PTPN4: variants seen among roughly 807,000 people sequenced by gnomAD.
PTPN4 encodes protein tyrosine phosphatase non-receptor type 4, also known as tyrosine-protein phosphatase non-receptor type 4.
Under a neutral mutation model 135.5 loss-of-function variants are expected in PTPN4, and 49 were observed. The observed-to-expected ratio is 0.36, with a 90% CI of 0.29 to 0.46. PTPN4 has a LOEUF of 0.46. PTPN4 is among the 20% of genes least tolerant of loss of function. PTPN4 has a pLI of 1.00. For missense variants in PTPN4, 860 were observed against 1,101.0 expected, an observed-to-expected ratio of 0.78 and a Z score of 3.10; for synonymous variants, 333 against 369.9, an observed-to-expected ratio of 0.90 and a Z score of 1.14.
At chr2:119,785,028 A>G (rs1205510059) in intron 1 of PTPN4, among the ~76,000 whole-genome samples, 2 of 152,086 alleles carry the variant, frequency 1.3e-5, no homozygotes, top group Non-Finnish European at 2.9e-5. Flanking sequence ...GAGTTTCTCA[A>G]CTTTAGCACT....
At chr2:119,893,352 T>G (rs1678270210) in intron 9 of PTPN4, among the ~76,000 whole-genome samples, 1 of 152,184 alleles carries the variant, frequency 6.6e-6, no homozygotes, top group African/African-American at 2.4e-5. Flanking sequence ...GGCCTGAACT[T>G]TTACTAAGTT....
chr2:119,947,201 C>T (rs933027282), intron 18 of PTPN4, among the ~76,000 whole-genome samples: 1 of 152,100 alleles, frequency 6.6e-6, no homozygotes, highest in African/African-American at 2.4e-5. Context: ...GTTGTCTACT[C>T]TGTTTACTTT....
chr2:119,892,720 CTTCTTTCT>C (rs1312418024), intron 9 of PTPN4, among the ~76,000 whole-genome samples: 1 of 145,826 alleles, frequency 6.9e-6, no homozygotes, highest in Non-Finnish European at 1.5e-5. Context: ...TTTTTTTTTC[CTTCTTTCT>C]TTCTTTCTTT....
chr2:119,920,360 TC>T (rs1429011556), intron 12 of PTPN4, 119 bp downstream of exon 12: 7 of 1,130,062 alleles, frequency 6.2e-6, no homozygotes, highest in Non-Finnish European at 7.5e-6. Context: ...GAGTCAAAAA[TC>T]CCTATGGATT....
At chr2:119,776,423 C>T (rs572232047) in intron 1 of PTPN4, among the ~76,000 whole-genome samples, 1 of 152,354 alleles carries the variant, frequency 6.6e-6, no homozygotes, top group South Asian at 2.1e-4. Flanking sequence ...ATCCGCCCTC[C>T]TCGGCCTCCC....
At chr2:119,888,133 A>T (rs114985204) in intron 9 of PTPN4, among the ~76,000 whole-genome samples, 7,334 of 152,168 alleles carry the variant, frequency 0.048, 195 homozygotes, top group African/African-American at 0.075. Flanking sequence ...TGTAAATGGG[A>T]TTGCCTTCTT....
intron 1 of PTPN4, among the ~76,000 whole-genome samples, chr2:119,789,700 C>T (rs1691108099): frequency 1.3e-5 from 2 of 151,920 alleles, no homozygotes; most frequent in Non-Finnish European, 2.9e-5. Context: ...GTAAATTTTC[C>T]TAATTTCCTG....
At chr2:119,891,380 T>C (rs1180230072) in intron 9 of PTPN4, among the ~76,000 whole-genome samples, 3 of 152,200 alleles carry the variant, frequency 2.0e-5, no homozygotes, top group African/African-American at 7.2e-5. Flanking sequence ...TGGAGTGCAG[T>C]CGTGTGATCT....
In PTPN4 at chr2:119,967,954, C is replaced by A; in HGVS notation, c.2676C>A (p.Ala892=). ...DIVRTMRDQR[A]MMIQTPSQYR... ...TAAGAACAATGAGAGATCAGCGAGC[C>A]ATGATGATCCAAACACCTGTGAGTA... is the stretch of plus-strand genomic sequence containing the variant. The change falls in exon 26 of 27, where the codon GCC becomes GCA. Residue 892 remains alanine, a synonymous_variant. Transcript: ENST00000263708. 6.2e-7 allele frequency: 1 copy of A among 1,601,462 alleles called. No individual in the cohort carries two copies. The highest frequency in any genetic ancestry group is 8.5e-7 in the Non-Finnish European group (1 of 1,171,782).
chr2:119,937,535 C>T (rs919439931), intron 15 of PTPN4, among the ~76,000 whole-genome samples: 1 of 152,084 alleles, frequency 6.6e-6, no homozygotes, highest in African/African-American at 2.4e-5. Context: ...TTTCTAAAGG[C>T]GGCAACAGAG....
rs539056213 is a variant in PTPN4, at chr2:119,763,181, A to G, written c.-18+2797A>G. Among the ~76,000 whole-genome samples, 19 of 152,326 alleles carry G rather than the reference A, an allele frequency of 1.2e-4. 2 individuals carry two copies. The South Asian group carries it at 3.5e-3, about 28-fold the overall frequency. On this transcript the variant is annotated intron_variant, in intron 1 of 26. Coordinates refer to ENST00000263708, the MANE Select transcript of PTPN4 (RefSeq NM_002830.4). The stretch of plus-strand genomic sequence containing the variant: ...ATTAGACTCTTTCATTTCATTAGAG[A>G]TATCTTCCCTCACATTCATTCTTCA...
chr2:119,879,814 T>C (rs1316378333), intron 5 of PTPN4, among the ~76,000 whole-genome samples: 1 of 152,216 alleles, frequency 6.6e-6, no homozygotes, highest in Non-Finnish European at 1.5e-5. Flanking sequence ...ATTTCAAGAA[T>C]GTAAATAGTA....
intron 1 of PTPN4, among the ~76,000 whole-genome samples, chr2:119,789,835 G>C (rs1054549505): frequency 3.3e-5 from 5 of 152,042 alleles, no homozygotes; most frequent in African/African-American, 4.8e-5. Context: ...TGATTCTCCT[G>C]CCTCAGCCTC....
At chr2:119,898,861 A>G (rs542486720) in intron 9 of PTPN4, among the ~76,000 whole-genome samples, 1 of 152,248 alleles carries the variant, frequency 6.6e-6, no homozygotes, top group Non-Finnish European at 1.5e-5. Flanking sequence ...ATTTCTGAAT[A>G]TGTTATTTTT....
intron 12 of PTPN4, among the ~76,000 whole-genome samples, chr2:119,921,988 A>G (rs1341761302): frequency 6.6e-6 from 1 of 152,194 alleles, no homozygotes; most frequent in Non-Finnish European, 1.5e-5. Context: ...AGAAATGAGT[A>G]GGACCAATAA....
chr2:119,885,400 T>C (rs1036902874), intron 8 of PTPN4, among the ~76,000 whole-genome samples: 4 of 152,182 alleles, frequency 2.6e-5, no homozygotes, highest in Non-Finnish European at 4.4e-5. Context: ...TGAGAAGCAC[T>C]GCCCTGGAGG....
intron 10 of PTPN4, among the ~76,000 whole-genome samples, chr2:119,905,032 C>G (rs907572798): frequency 1.3e-5 from 1 of 75,942 alleles, no homozygotes; most frequent in African/African-American, 3.7e-5. Context: ...AAGGTTATTA[C>G]TACAAAAAAA....
chr2:119,885,265 G>GTTTGTTTTTTTGT (rs1177538288), intron 8 of PTPN4, among the ~76,000 whole-genome samples: 6 of 152,106 alleles, frequency 3.9e-5, no homozygotes, highest in African/African-American at 1.4e-4. Context: ...GTCCTCATTT[G>GTTTGTTTTTTTGT]TTTGTTTTTT....
At chr2:119,896,711 A>G (rs1193996609) in intron 9 of PTPN4, among the ~76,000 whole-genome samples, 1 of 152,154 alleles carries the variant, frequency 6.6e-6, no homozygotes, top group African/African-American at 2.4e-5. Context: ...TTCTTTTACT[A>G]TTCAGTTACC....
Sources: allele counts gnomAD v4.1 joint callset (sites outside exome capture counted in the v4.1 genomes callset), GRCh38; gene constraint gnomAD v4.1.1; transcripts MANE v1.5; gene names NCBI Gene and HGNC (gene_info 2026-07-23, HGNC 2026-07-21).